Variants in R3HCC1L observed in about 807,000 individuals in gnomAD.
The protein encoded by R3HCC1L is coiled-coil domain-containing protein R3HCC1L.
In R3HCC1L, 51 loss-of-function variants were observed where a neutral mutation model predicts 59.9. The ratio of observed to expected loss-of-function variants is 0.85; its 90% CI spans 0.68 to 1.07. R3HCC1L has a LOEUF of 1.07. Ranked by LOEUF, R3HCC1L falls within the 50% of genes least tolerant of loss-of-function variation. The pLI, the probability that R3HCC1L is intolerant of heterozygous loss-of-function variation, is 0.00. For missense variants in R3HCC1L, 965 were observed against 933.0 expected, an observed-to-expected ratio of 1.03 and a Z score of -0.45; for synonymous variants, 322 against 315.2, an observed-to-expected ratio of 1.02 and a Z score of -0.23.
At chr10:98,236,488 GAGAAA>G (rs1856976143) in intron 9 of R3HCC1L, among the ~76,000 whole-genome samples, 3 of 152,156 alleles carry the variant, frequency 2.0e-5, no homozygotes, top group Non-Finnish European at 4.4e-5. Flanking sequence ...GTGTCCTAGG[GAGAAA>G]ACATTTGCTA....
At chr10:98,134,895 C>T (rs974343703) in intron 1 of R3HCC1L, among the ~76,000 whole-genome samples, 189 bp downstream of exon 1, 2 of 152,216 alleles carry the variant, frequency 1.3e-5, no homozygotes, top group Non-Finnish European at 1.5e-5. Flanking sequence ...CGCCTTCTGA[C>T]CCCTGCGGGC....
At chr10:98,154,350 G>T (rs762596999) in intron 1 of R3HCC1L, among the ~76,000 whole-genome samples, 5 of 152,146 alleles carry the variant, frequency 3.3e-5, no homozygotes, top group Non-Finnish European at 5.9e-5. Context: ...GGAATCTGGT[G>T]TGTGCAGATA....
At chr10:98,231,227 C>G (rs1454927942) in intron 5 of R3HCC1L, among the ~76,000 whole-genome samples, 4 of 152,148 alleles carry the variant, frequency 2.6e-5, no homozygotes, top group Admixed American at 2.0e-4. Flanking sequence ...AGTATTCAGT[C>G]TGTGTTTTCT....
chr10:98,180,417 TGA>T (rs1331771924), intron 4 of R3HCC1L, among the ~76,000 whole-genome samples: 5 of 152,226 alleles, frequency 3.3e-5, no homozygotes, highest in African/African-American at 1.2e-4. Context: ...CACTATGGTC[TGA>T]GAGACAGTTT....
chr10:98,239,018 C>A (rs1857248846), intron 9 of R3HCC1L, among the ~76,000 whole-genome samples: 1 of 152,174 alleles, frequency 6.6e-6, no homozygotes, highest in Non-Finnish European at 1.5e-5. Context: ...TCTAATAGAG[C>A]TTTTGCCATT....
intron 2 of R3HCC1L, among the ~76,000 whole-genome samples, chr10:98,158,791 G>C (rs73323852): frequency 0.043 from 6,527 of 150,454 alleles, 446 homozygotes; most frequent in African/African-American, 0.15. Flanking sequence ...TGCAGTTCCT[G>C]TTTTTTTCAT....
intron 1 of R3HCC1L, among the ~76,000 whole-genome samples, chr10:98,145,972 C>T (rs1243515748): frequency 6.6e-6 from 1 of 152,070 alleles, no homozygotes; most frequent in African/African-American, 2.4e-5. Flanking sequence ...AAACCATTTT[C>T]ATGACTTGAT....
At chr10:98,174,693 T>G (rs760148903) in intron 4 of R3HCC1L, 25 of 984,306 alleles carry the variant, frequency 2.5e-5, no homozygotes, top group Non-Finnish European at 3.0e-5. Context: ...AATGGAGACT[T>G]TGTGTCTGAG....
At chr10:98,182,594 T>A (rs989282814) in intron 4 of R3HCC1L, among the ~76,000 whole-genome samples, 15 of 152,250 alleles carry the variant, frequency 9.9e-5, no homozygotes, top group South Asian at 4.2e-4. Context: ...GAACGTTAAG[T>A]CTGCAGAAGT....
chr10:98,213,458 G>A (rs1044410848), intron 5 of R3HCC1L, among the ~76,000 whole-genome samples: 1 of 152,094 alleles, frequency 6.6e-6, no homozygotes, highest in African/African-American at 2.4e-5. Context: ...TACTAAAACT[G>A]TATTTCATTG....
rs766891346 is a variant in R3HCC1L, at chr10:98,209,053, T to G, written c.939T>G (p.Gly313=). ...CAGATTCCATTCCTGCAACTATGGG[T>G]CACATCTCTCTGTCAGAGAGCACAA... ...KDTDSIPATM[G]HISLSESTND... The change falls in exon 5 of 10, where the codon GGT becomes GGG. Residue 313 remains glycine (G), a synonymous_variant. Transcript: ENST00000298999. 6.2e-7 allele frequency: 1 copy of G among 1,613,404 alleles called. No homozygotes were observed. The highest frequency in any genetic ancestry group is 2.2e-5 in the East Asian group (1 of 44,874).
At chr10:98,165,310 G>C (rs1246491399) in intron 4 of R3HCC1L, among the ~76,000 whole-genome samples, 2 of 152,144 alleles carry the variant, frequency 1.3e-5, no homozygotes, top group African/African-American at 4.8e-5. Context: ...ATGTTCTATT[G>C]ATGAAAGTAT....
chr10:98,231,106 A>G (rs1856334456), intron 5 of R3HCC1L: 1 of 384,116 alleles, frequency 2.6e-6, no homozygotes, highest in Middle Eastern at 8.0e-4. Flanking sequence ...CTTCCAGAAA[A>G]GAAACTATGA....
At chr10:98,144,129 A>G (rs10883046) in intron 1 of R3HCC1L, among the ~76,000 whole-genome samples, 19,251 of 152,120 alleles carry the variant, frequency 0.13, 1,270 homozygotes, top group Middle Eastern at 0.17. Flanking sequence ...TGATTTAGTG[A>G]GACCCATCTC....
intron 4 of R3HCC1L, among the ~76,000 whole-genome samples, chr10:98,175,901 G>C (rs1405136163): frequency 1.3e-5 from 2 of 152,142 alleles, no homozygotes; most frequent in East Asian, 3.8e-4. Flanking sequence ...ATTTATAGAA[G>C]TGTTAAAATT....
At chr10:98,198,277 TTAATA>T (rs761126066) in intron 4 of R3HCC1L, among the ~76,000 whole-genome samples, 1 of 152,080 alleles carries the variant, frequency 6.6e-6, no homozygotes, top group Non-Finnish European at 1.5e-5. Context: ...CTTGTATCAC[TTAATA>T]TAATTTTTAA....
At chr10:98,206,881 A>G (rs1402903849) in intron 4 of R3HCC1L, among the ~76,000 whole-genome samples, 1 of 152,220 alleles carries the variant, frequency 6.6e-6, no homozygotes, top group Non-Finnish European at 1.5e-5. Flanking sequence ...TACATGAAGA[A>G]TGTTGGGCTA....
Position 98,209,034 on chromosome 10 carries a change from C to T in R3HCC1L, c.920C>T (p.Ser307Phe), listed in dbSNP as rs775045142. The T allele has an allele frequency of 1.9e-6, 3 of 1,613,652 alleles. No homozygotes were observed. The South Asian group carries it at 3.3e-5, about 18-fold the overall frequency. ...GFILDQKDTD[S>F]IPATMGHISL... Reference sequence around the variant, plus strand: ...ATCTTAGATCAAAAAGATACAGATTCCATTCCTGCAACTATGGGTCACATC... The same window carrying T: ...ATCTTAGATCAAAAAGATACAGATTTCATTCCTGCAACTATGGGTCACATC... Residue 307 changes from serine to phenylalanine, a missense_variant, in exon 5 of 10, where the codon TCC becomes TTC. By Grantham distance (155) the Ser-to-Phe change is radical. Coordinates refer to ENST00000298999, the MANE Select transcript of R3HCC1L (RefSeq NM_001351015.2).
intron 4 of R3HCC1L, among the ~76,000 whole-genome samples, chr10:98,207,880 G>A (rs1365090002): frequency 6.6e-6 from 1 of 151,962 alleles, no homozygotes; most frequent in Non-Finnish European, 1.5e-5. Flanking sequence ...AAACCACAAA[G>A]CCAGGCATGG....
Sources: allele counts gnomAD v4.1 joint callset (sites outside exome capture counted in the v4.1 genomes callset), GRCh38; gene constraint gnomAD v4.1.1; transcripts MANE v1.5; gene names NCBI Gene and HGNC (gene_info 2026-07-23, HGNC 2026-07-21).